OGG1: variants seen among roughly 807,000 people sequenced by gnomAD.
OGG1 encodes the protein 8-oxoguanine DNA glycosylase, also known as N-glycosylase/DNA lyase.
A neutral mutation model predicts 42.3 loss-of-function variants in OGG1; 35 were observed. That is an observed-to-expected ratio of 0.83 (90% CI 0.63 to 1.10). The LOEUF (loss-of-function observed/expected upper bound fraction) is 1.10, where lower values mean the gene tolerates loss of function less well. Ranked by LOEUF, OGG1 falls within the 50% of genes least tolerant of loss-of-function variation. The probability of loss-of-function intolerance (pLI) is 0.00; values close to 1 mark genes in which losing one functional copy is unlikely to be tolerated. For synonymous variants in OGG1, 189 were observed against 179.0 expected (o/e 1.06, Z -0.44); for missense variants, 484 against 446.7 (o/e 1.08, Z -0.75).
Position 9,750,344 on chromosome 3 carries a change from C to G in OGG1, c.58C>G (p.Pro20Ala). 6.2e-7 allele frequency: 1 copy of G among 1,614,016 alleles called. No homozygotes were observed. The highest frequency in any genetic ancestry group is 8.5e-7 in the Non-Finnish European group (1 of 1,180,022). Reference protein sequence around the residue: ...RMGHRTLASTPALWASIPCPR... With the variant: ...RMGHRTLASTAALWASIPCPR... ...GGGGCATCGTACTCTAGCCTCCACTCCTGCCCTGTGGGCCTCCATCCCGTG... is the reference window on the plus strand; with the variant it reads ...GGGGCATCGTACTCTAGCCTCCACTGCTGCCCTGTGGGCCTCCATCCCGTG... Residue 20 changes from proline (P) to alanine (A), a missense_variant, in exon 1 of 7, where the codon CCT (proline) becomes GCT (alanine). Coordinates refer to ENST00000344629, the MANE Select transcript of OGG1 (RefSeq NM_002542.6).
chr3:9,780,199 G>A, intron 2 of OGG1: 1 of 703,796 alleles, frequency 1.4e-6, no homozygotes, highest in Non-Finnish European at 2.3e-6. Context: ...GTTGTACAGA[G>A]CTAGGCCAAA....
intron 3 of OGG1, 119 bp downstream of exon 3, chr3:9,752,068 C>T (rs554773061): frequency 1.2e-5 from 11 of 925,706 alleles, no homozygotes; most frequent in African/African-American, 6.5e-5. Context: ...TATCCAGAAC[C>T]GCCCTGCCTG....
chr3:9,779,361 T>G (rs530788371), intron 2 of OGG1, among the ~76,000 whole-genome samples: 1 of 152,320 alleles, frequency 6.6e-6, no homozygotes, highest in African/African-American at 2.4e-5. Context: ...GGAAGCCCGC[T>G]GGCTCCGGCT....
chr3:9,761,677 G>T, downstream of OGG1: 1 of 1,614,120 alleles, frequency 6.2e-7, no homozygotes, highest in East Asian at 2.2e-5. Flanking sequence ...CACTGCCCGG[G>T]TCCTCCATCT....
chr3:9,781,685 AT>A, intron 3 of OGG1: 1 of 433,268 alleles, frequency 2.3e-6, no homozygotes, highest in East Asian at 7.3e-5. Flanking sequence ...TCACTTAGTG[AT>A]TGAGTCCAGC....
chr3:9,785,194 G>C (rs2078578489), intron 3 of OGG1: 1 of 673,722 alleles, frequency 1.5e-6, no homozygotes, highest in Non-Finnish European at 2.6e-6. Context: ...ACTTGAGACT[G>C]CTATTAGGCT....
At chr3:9,759,364 G>C (rs1360942573), downstream of OGG1, 11 of 1,539,822 alleles carry the variant, frequency 7.1e-6, no homozygotes, top group Non-Finnish European at 9.0e-6. Flanking sequence ...AAGTCCTTCA[G>C]TAAGGATCCC....
intron 4 of OGG1, 108 bp downstream of exon 4, chr3:9,754,993 C>A: frequency 1.1e-6 from 1 of 890,194 alleles, no homozygotes; most frequent in Non-Finnish European, 1.8e-6. Context: ...GGAGGCAGAG[C>A]AGGAAGGAGA....
chr3:9,764,391 C>T (rs559520792), intron 7 of OGG1, among the ~76,000 whole-genome samples: 22 of 152,010 alleles, frequency 1.4e-4, no homozygotes, highest in African/African-American at 2.2e-4. Flanking sequence ...TGGCTCATCA[C>T]AATTTCTGCC....
At chr3:9,787,227 C>T in intron 3 of OGG1, 1 of 1,614,200 alleles carries the variant, frequency 6.2e-7, no homozygotes, top group Non-Finnish European at 8.5e-7. Flanking sequence ...TCAGTGGCCC[C>T]ATGAGGCCTT....
chr3:9,765,857 A>G (rs772044654), exon 8 of OGG1: 2 of 1,613,502 alleles, frequency 1.2e-6, no homozygotes, highest in Non-Finnish European at 1.7e-6. Flanking sequence ...GCGTCCTCTT[A>G]TCTTCTGCCA....
At chr3:9,776,441 G>A (rs1321192948) in intron 2 of OGG1, among the ~76,000 whole-genome samples, 9 of 144,420 alleles carry the variant, frequency 6.2e-5, no homozygotes, top group African/African-American at 2.3e-4. Flanking sequence ...CCAGGCTGGA[G>A]TGCAGTGGCG....
At chr3:9,771,463 A>G (rs774261978), downstream of OGG1, among the ~76,000 whole-genome samples, 2 of 152,200 alleles carry the variant, frequency 1.3e-5, no homozygotes, top group Non-Finnish European at 1.5e-5. Context: ...AATATTGAAG[A>G]TTGACTCAGA....
chr3:9,765,882 A>G, exon 8 of OGG1: 1 of 1,613,922 alleles, frequency 6.2e-7, no homozygotes, highest in Non-Finnish European at 8.5e-7. Context: ...CACCTCCGAG[A>G]AGGCCCCCCT....
intron 3 of OGG1, chr3:9,783,784 A>G: frequency 3.0e-6 from 2 of 665,990 alleles, no homozygotes; most frequent in Non-Finnish European, 4.5e-6. Flanking sequence ...TCTCAAAAAA[A>G]AACAAAACAA....
exon 8 of OGG1, chr3:9,766,161 G>C: frequency 1.1e-6 from 1 of 943,398 alleles, no homozygotes; most frequent in Non-Finnish European, 1.7e-6. Flanking sequence ...TGAGCTGGTA[G>C]GATGTAAGCC....
chr3:9,777,479 C>T (rs11720223), intron 2 of OGG1, among the ~76,000 whole-genome samples: 98,887 of 151,856 alleles, frequency 0.65, 32,822 homozygotes, highest in Middle Eastern at 0.82. Context: ...GGCACAGCAT[C>T]TCTTTGAGTC....
rs374962591 is a variant in OGG1 at position 9,750,274 on chromosome 3, G to T, written c.-13G>T. 152 of 1,606,662 alleles carry T rather than the reference G, an allele frequency of 9.5e-5. No homozygotes were observed. Among genetic ancestry groups the T allele is most frequent in the Non-Finnish European group, 1.2e-4 (147 of 1,176,144 alleles). ...GTAGGCGGGGCTACTACGGGGCGGT[G>T]CCTGCTGTGGAAATGCCTGCCCGCG... On this transcript the variant is annotated 5_prime_UTR_variant, in exon 1 of 7. Transcript: ENST00000344629.
intron 3 of OGG1, chr3:9,784,212 C>T (rs762313984): frequency 6.2e-7 from 1 of 1,608,426 alleles, no homozygotes; most frequent in Non-Finnish European, 8.5e-7. Context: ...GTATGCGGCA[C>T]ACTGCAGCGG....
Sources: gnomAD v4.1 joint callset for allele counts (sites outside exome capture counted in the v4.1 genomes callset) on GRCh38, gnomAD v4.1.1 for gene constraint, MANE v1.5 for transcripts, NCBI Gene and HGNC (gene_info 2026-07-23, HGNC 2026-07-21) for gene names.